RELN: variants seen among roughly 807,000 people sequenced by gnomAD.
RELN encodes reelin.
A neutral mutation model predicts 427.6 loss-of-function variants in RELN; 108 were observed. That is an observed-to-expected ratio of 0.25 (90% confidence interval 0.22 to 0.30). The LOEUF (loss-of-function observed/expected upper bound fraction) is 0.30. Ranked by LOEUF, RELN falls within the 10% of genes least tolerant of loss-of-function variation. The probability of loss-of-function intolerance (pLI) is 1.00; values close to 1 mark genes in which losing one functional copy is unlikely to be tolerated. For missense variants in RELN, 3,715 were observed against 4,302.8 expected, an observed-to-expected ratio of 0.86 and a Z score of 3.82; for synonymous variants, 1,524 against 1,513.4, an observed-to-expected ratio of 1.01 and a Z score of -0.16.
intron 6 of RELN, among the ~76,000 whole-genome samples, chr7:103,740,902 T>C (rs1217290492): frequency 6.6e-6 from 1 of 152,196 alleles, no homozygotes; most frequent in African/African-American, 2.4e-5. Flanking sequence ...ATTTTTTCTT[T>C]TGAGGTAAAT....
At chr7:103,614,308 C>A (rs1159133653) in intron 20 of RELN, among the ~76,000 whole-genome samples, 1 of 152,158 alleles carries the variant, frequency 6.6e-6, no homozygotes, top group African/African-American at 2.4e-5. Flanking sequence ...CCAGTCACAG[C>A]CTCTTCCTTT....
chr7:103,676,761 CCAT>C (rs1478594799), intron 11 of RELN, among the ~76,000 whole-genome samples: 6 of 151,334 alleles, frequency 4.0e-5, no homozygotes, highest in Non-Finnish European at 8.8e-5. Flanking sequence ...AAACTGGAAA[CCAT>C]CATTCTCAGC....
chr7:103,529,201 T>C (rs979079879), intron 46 of RELN, among the ~76,000 whole-genome samples: 4 of 152,120 alleles, frequency 2.6e-5, no homozygotes, highest in Non-Finnish European at 5.9e-5. Flanking sequence ...TCCCCATCTC[T>C]TTCCCCCATT....
intron 2 of RELN, among the ~76,000 whole-genome samples, chr7:103,913,191 C>A (rs1795407599): frequency 6.6e-6 from 1 of 152,056 alleles, no homozygotes; most frequent in African/African-American, 2.4e-5. Flanking sequence ...ACAGCAATAT[C>A]TTAAGTATAA....
chr7:103,723,252 G>T, intron 7 of RELN, 61 bp from the exon 8 acceptor site: 1 of 984,320 alleles, frequency 1.0e-6, no homozygotes, highest in Non-Finnish European at 1.6e-6. Flanking sequence ...GGAGAAAGAT[G>T]CTGGGAGGGG....
At chr7:103,623,401 G>A (rs1832261897) in intron 20 of RELN, among the ~76,000 whole-genome samples, 2 of 152,146 alleles carry the variant, frequency 1.3e-5, no homozygotes, top group South Asian at 4.1e-4. Context: ...ACAGGTTAAT[G>A]TTTCGTGAAA....
intron 4 of RELN, among the ~76,000 whole-genome samples, chr7:103,767,615 A>C (rs905920689): frequency 2.6e-5 from 4 of 152,172 alleles, no homozygotes; most frequent in Middle Eastern, 3.2e-3. Flanking sequence ...GTTGTTCAGT[A>C]ATAATTGCTG....
rs77833986 is a variant in RELN at position 103,563,910 on chromosome 7, T to C, written c.5210+1368A>G. On this transcript the variant is annotated intron_variant, in intron 34 of 64. Coordinates refer to ENST00000428762, the MANE Select transcript of RELN (RefSeq NM_005045.4). This position sits in a 1 kb window ranked among gnomAD's most constrained non-coding sequence, Gnocchi z 4.1. ...TGTAGCTGAGGAGCAATAGGCTATA[T>C]CATACAGCATAGGTGTGTAATAGGC... Among the ~76,000 whole-genome samples the C allele has an allele frequency of 0.013, 1,995 of 152,330 alleles. 32 individuals carry two copies. The highest frequency in any genetic ancestry group is 0.038 in the African/African-American group (1,569 of 41,574).
intron 11 of RELN, among the ~76,000 whole-genome samples, chr7:103,670,931 G>A (rs1833377912): frequency 6.6e-6 from 1 of 152,004 alleles, no homozygotes; most frequent in Admixed American, 6.6e-5. Context: ...GCAACTTTAA[G>A]TATGAACTAA....
rs1828881483 is a variant in RELN at position 103,497,673 on chromosome 7, T to C, written c.8950+147A>G. The stretch of plus-strand genomic sequence containing the variant: ...ACAGAAGTCACTTGTACGGAACATG[T>C]AATACAAACAAAATCTGTAGCTTTT... On this transcript the variant is annotated intron_variant, in intron 55 of 64. Coordinates refer to ENST00000428762, the MANE Select transcript of RELN (RefSeq NM_005045.4). 4.9e-5 allele frequency: 35 copies of C among 715,438 alleles called. No individual in the cohort carries two copies. In the South Asian group the frequency reaches 5.5e-4, roughly 11 times the overall value. 44.3% of individuals were successfully genotyped at this position (715,438 alleles called of 1,614,324 possible). A position where few individuals can be genotyped will look rare whatever the true frequency, so the allele number is the denominator to read the frequency against.
rs549384859 is a variant in RELN at position 103,640,583 on chromosome 7, A to G, written c.2029T>C (p.Phe677Leu). The stretch of plus-strand genomic sequence containing the variant: ...GTGCACTGTCCTCTGCCAGAACAGA[A>G]TTTGAGACATGACGGGCCAATATAA... ...NVYIGPSCLKFCSGRGQCTRH... is the reference protein window; with the variant it reads ...NVYIGPSCLKLCSGRGQCTRH... Residue 677 changes from phenylalanine to leucine, a missense_variant, in exon 17 of 65, where the codon TTC becomes CTC. Physicochemically the swap from Phe to Leu is conservative, Grantham distance 22. Transcript: ENST00000428762. The surrounding 1 kb of genome is among the most constrained non-coding windows in gnomAD (Gnocchi z 4.1). The G allele has an allele frequency of 6.2e-7, 1 of 1,613,908 alleles. No homozygotes were observed. Among genetic ancestry groups the G allele is most frequent in the African/African-American group, 1.3e-5 (1 of 75,044 alleles).
chr7:103,847,077 C>T (rs2116451342), intron 2 of RELN, among the ~76,000 whole-genome samples: 1 of 152,196 alleles, frequency 6.6e-6, no homozygotes, highest in South Asian at 2.1e-4. Flanking sequence ...GGGTATATAC[C>T]CAAAGGGTTA....
intron 2 of RELN, among the ~76,000 whole-genome samples, chr7:103,848,521 G>A (rs911704544): frequency 6.6e-5 from 10 of 152,090 alleles, no homozygotes; most frequent in South Asian, 2.1e-4. Flanking sequence ...AACTTTCACC[G>A]CAGTTATTCC....
At chr7:103,622,523 G>T (rs1221171220) in intron 20 of RELN, among the ~76,000 whole-genome samples, 1 of 152,134 alleles carries the variant, frequency 6.6e-6, no homozygotes, top group African/African-American at 2.4e-5. Context: ...TTATTTGCTG[G>T]ATTCCTGTAA....
intron 64 of RELN, among the ~76,000 whole-genome samples, chr7:103,477,635 T>A (rs561869901): frequency 9.2e-5 from 14 of 152,364 alleles, no homozygotes; most frequent in Admixed American, 7.8e-4. Flanking sequence ...ATCTCACACA[T>A]ACTGAAGATT....
At chr7:103,661,780 G>A (rs1046245513) in intron 11 of RELN, among the ~76,000 whole-genome samples, 3 of 152,022 alleles carry the variant, frequency 2.0e-5, no homozygotes, top group East Asian at 1.9e-4. Flanking sequence ...TCTTGTATAC[G>A]GTGTGTCTAC....
At chr7:103,656,352 T>C (rs79579880) in intron 12 of RELN, among the ~76,000 whole-genome samples, 5,395 of 152,186 alleles carry the variant, frequency 0.035, 152 homozygotes, top group East Asian at 0.14. Flanking sequence ...GTTGGCTTGA[T>C]GGCAGAAAAG....
chr7:103,612,042 C>A (rs1195051234), intron 20 of RELN, among the ~76,000 whole-genome samples: 3 of 151,894 alleles, frequency 2.0e-5, no homozygotes, highest in Non-Finnish European at 4.4e-5. Flanking sequence ...AATTGGGTAC[C>A]CACTCATATA....
At chr7:103,926,627 GTTTTTTTTTTTT>G (rs60259062) in intron 1 of RELN, among the ~76,000 whole-genome samples, 4 of 99,456 alleles carry the variant, frequency 4.0e-5, no homozygotes, top group African/African-American at 1.1e-4. Context: ...AGTATCATAA[GTTTTTTTTTTTT>G]TTTTTTTTTT....
Sources: allele counts gnomAD v4.1 joint callset (sites outside exome capture counted in the v4.1 genomes callset), GRCh38; gene constraint gnomAD v4.1.1; non-coding constraint Gnocchi (gnomAD v3.1); transcripts MANE v1.5; gene names NCBI Gene and HGNC (gene_info 2026-07-23, HGNC 2026-07-21).